The following KCNIP4 variants were observed in gnomAD, a reference collection of about 807,000 sequenced individuals.
The protein encoded by KCNIP4 is potassium voltage-gated channel interacting protein 4, also known as Kv channel-interacting protein 4.
Under a neutral mutation model 34.0 loss-of-function variants are expected in KCNIP4, and 12 were observed. That is an observed-to-expected ratio of 0.35 (90% CI 0.23 to 0.57). The LOEUF is 0.57. Ranked by LOEUF, KCNIP4 falls within the 20% of genes least tolerant of loss-of-function variation. The probability of loss-of-function intolerance (pLI) is 0.83; values close to 1 mark genes in which losing one functional copy is unlikely to be tolerated. For synonymous variants in KCNIP4, 124 were observed against 102.2 expected, an observed-to-expected ratio of 1.21 and a Z score of -1.29; for missense variants, 238 against 311.7, an observed-to-expected ratio of 0.76 and a Z score of 1.78.
chr4:20,831,407 C>T (rs1303048475), intron 3 of KCNIP4, among the ~76,000 whole-genome samples: 1 of 152,114 alleles, frequency 6.6e-6, no homozygotes, highest in Non-Finnish European at 1.5e-5. Flanking sequence ...AAGTCTCTGG[C>T]ACTAGTGATG....
At chr4:21,643,316 C>A (rs1399091167) in intron 1 of KCNIP4, among the ~76,000 whole-genome samples, 1 of 152,118 alleles carries the variant, frequency 6.6e-6, no homozygotes, top group African/African-American at 2.4e-5. Flanking sequence ...ATCAAAAAGA[C>A]TTTCAAGGAT....
chr4:21,810,471 A>G (rs1288106019), intron 1 of KCNIP4, among the ~76,000 whole-genome samples: 2 of 152,050 alleles, frequency 1.3e-5, no homozygotes, highest in Non-Finnish European at 2.9e-5. Flanking sequence ...CGGGTGGATC[A>G]CGAGGTCAGG....
chr4:21,267,035 T>C (rs1761857431), intron 1 of KCNIP4, among the ~76,000 whole-genome samples: 1 of 152,154 alleles, frequency 6.6e-6, no homozygotes, highest in African/African-American at 2.4e-5. Context: ...ATGTGTGAGA[T>C]TGAATGAGAT....
At chr4:21,052,226 C>T (rs565717742) in intron 1 of KCNIP4, among the ~76,000 whole-genome samples, 1 of 152,176 alleles carries the variant, frequency 6.6e-6, no homozygotes, top group African/African-American at 2.4e-5. Context: ...ATGCTCATGC[C>T]CTTTTCTAAG....
intron 1 of KCNIP4, among the ~76,000 whole-genome samples, chr4:21,673,248 A>C (rs1163591694): frequency 2.0e-5 from 3 of 152,198 alleles, no homozygotes; most frequent in Non-Finnish European, 4.4e-5. Context: ...AGACAGTCGA[A>C]ATTACCCGCC....
intron 1 of KCNIP4, among the ~76,000 whole-genome samples, chr4:21,716,687 A>C (rs1714414279): frequency 6.6e-6 from 1 of 152,150 alleles, no homozygotes; most frequent in African/African-American, 2.4e-5. Context: ...AATTTAGATC[A>C]CATTTTCTGC....
At chr4:20,774,424 A>T (rs747929054) in intron 3 of KCNIP4, among the ~76,000 whole-genome samples, 1 of 152,214 alleles carries the variant, frequency 6.6e-6, no homozygotes, top group Non-Finnish European at 1.5e-5. Context: ...TGAATAAGTT[A>T]CTAAACTTCT....
Position 21,066,359 on chromosome 4 carries a change from T to C in KCNIP4, c.62-183650A>G, listed in dbSNP as rs369213867. 1.6e-3 allele frequency among the ~76,000 whole-genome samples: 250 copies of C among 152,246 alleles called. 2 individuals are homozygous for C. The highest frequency in any genetic ancestry group is 0.01 in the Middle Eastern group (3 of 294). On this transcript the variant is annotated intron_variant, in intron 1 of 8. Transcript: ENST00000382152. ...ATCTCTCTTCTGCAGGAACACCACA[T>C]TGACCAACTATACACACACACACAA...
intron 1 of KCNIP4, among the ~76,000 whole-genome samples, chr4:21,167,911 T>C (rs1173996615): frequency 6.6e-6 from 1 of 152,118 alleles, no homozygotes; most frequent in Non-Finnish European, 1.5e-5. Flanking sequence ...TGGAGAGAAA[T>C]TATACAGTGA....
chr4:21,253,463 G>T (rs994032887), intron 1 of KCNIP4, among the ~76,000 whole-genome samples: 1 of 152,148 alleles, frequency 6.6e-6, no homozygotes, highest in Non-Finnish European at 1.5e-5. Context: ...CTCCTTGTTA[G>T]CACCAACCTC....
At chr4:20,849,504 A>G (rs1354239606) in intron 3 of KCNIP4, among the ~76,000 whole-genome samples, 1 of 152,178 alleles carries the variant, frequency 6.6e-6, no homozygotes, top group Non-Finnish European at 1.5e-5. Flanking sequence ...GTAGAGATTC[A>G]TATCTAGTCT....
intron 1 of KCNIP4, among the ~76,000 whole-genome samples, chr4:21,428,972 T>C (rs913544248): frequency 1.3e-5 from 2 of 152,128 alleles, no homozygotes; most frequent in African/African-American, 4.8e-5. Context: ...GAACTTAGAT[T>C]AATACATCAT....
chr4:21,013,320 G>A (rs1422459772), intron 1 of KCNIP4, among the ~76,000 whole-genome samples: 3 of 152,162 alleles, frequency 2.0e-5, no homozygotes, highest in African/African-American at 7.2e-5. Flanking sequence ...GGGAGGTAGA[G>A]TGGGAACCAG....
intron 3 of KCNIP4, chr4:20,766,904 C>T (rs1053754617): frequency 6.8e-6 from 1 of 147,988 alleles, no homozygotes; most frequent in Admixed American, 6.7e-5. Context: ...TAGCTTCAGG[C>T]AAACTGTTTA....
At chr4:20,926,517 T>G (rs1370146632) in intron 1 of KCNIP4, among the ~76,000 whole-genome samples, 2 of 152,216 alleles carry the variant, frequency 1.3e-5, no homozygotes, top group South Asian at 2.1e-4. Context: ...GCTGCATTCA[T>G]GAAGAGTGCT....
At position 21,082,864 on chromosome 4, in the gene KCNIP4, A is replaced by ATTCT. The variant is rs1049052998; in HGVS notation, c.62-200159_62-200156dup. Among the ~76,000 whole-genome samples, 11 of 99,588 alleles carry ATTCT rather than the reference A, an allele frequency of 1.1e-4. No homozygotes were observed. In the Admixed American group the frequency reaches 1.2e-3, roughly 11 times the overall value. The allele number at this position is 99,588 out of a possible 152,430, so 65.3% of individuals were successfully genotyped here. On this transcript the variant is annotated intron_variant, in intron 1 of 8. Transcript: ENST00000382152. ...TATGTGCAACATTCTGTGCCAGGTTATTCTATCTATCTATCTATCTATCTA... is the reference window on the plus strand; with the variant it reads ...TATGTGCAACATTCTGTGCCAGGTTATTCTTTCTATCTATCTATCTATCTATCTA...
At chr4:21,233,510 T>A (rs1192476493) in intron 1 of KCNIP4, among the ~76,000 whole-genome samples, 1 of 151,876 alleles carries the variant, frequency 6.6e-6, no homozygotes, top group Non-Finnish European at 1.5e-5. Flanking sequence ...AGGGTGAGGA[T>A]TCAGAAGAGA....
intron 1 of KCNIP4, among the ~76,000 whole-genome samples, chr4:21,313,950 G>C (rs1713457045): frequency 6.6e-6 from 1 of 152,150 alleles, no homozygotes; most frequent in African/African-American, 2.4e-5. Flanking sequence ...AAGGAGTCTG[G>C]GTACAGGTTA....
rs543866596 is a variant in KCNIP4 at position 21,388,305 on chromosome 4, G to T, written c.62-505596C>A. ...TAATAAATATATATAATTTTAAAAA[G>T]CCTCAACTGTTCCACACTAACTATA... On this transcript the variant is annotated intron_variant, in intron 1 of 8. Coordinates refer to ENST00000382152, the MANE Select transcript of KCNIP4 (RefSeq NM_025221.6). 6.7e-5 allele frequency among the ~76,000 whole-genome samples: 10 copies of T among 150,244 alleles called. No individual in the cohort carries two copies. The East Asian group carries it at 2.0e-3, about 29-fold the overall frequency.
Sources: allele counts gnomAD v4.1 joint callset (sites outside exome capture counted in the v4.1 genomes callset), GRCh38; gene constraint gnomAD v4.1.1; transcripts MANE v1.5; gene names NCBI Gene and HGNC (gene_info 2026-07-23, HGNC 2026-07-21).